The following MYO5B variants were observed in gnomAD, a reference collection of about 807,000 sequenced individuals.
MYO5B encodes myosin VB.
A neutral mutation model predicts 229.3 loss-of-function variants in MYO5B; 143 were observed. The ratio of observed to expected loss-of-function variants is 0.62; its 90% CI spans 0.54 to 0.72. MYO5B has a LOEUF of 0.72. Among genes scored for constraint, MYO5B ranks in the 30% least tolerant of loss-of-function variants. The pLI is 0.00. For synonymous variants in MYO5B, 918 were observed against 885.2 expected (o/e 1.04, Z -0.66); for missense variants, 2,321 against 2,331.0 (o/e 1.00, Z 0.09).
Position 49,853,644 on chromosome 18 carries a change from C to G in MYO5B, c.4026G>C (p.Leu1342=), listed in dbSNP as rs916651120. 5 of 1,612,124 alleles carry G rather than the reference C, an allele frequency of 3.1e-6. No individual in the cohort carries two copies. In the South Asian group the frequency reaches 3.3e-5, roughly 11 times the overall value. ...TCTGGGCCTGCAGCTGAGCCTCCAG[C>G]AGCCTGTGCCAGGGAGAGGACAGGT... The part of the protein sequence containing the change: ...AYQGLKQVAR[L]LEAQLQAQSL... Residue 1342 remains leucine, a synonymous_variant, in exon 31 of 40, where the codon CTG becomes CTC. Coordinates refer to ENST00000285039, the MANE Select transcript of MYO5B (RefSeq NM_001080467.3).
At chr18:49,828,526 G>C (rs1175854760) in intron 39 of MYO5B, among the ~76,000 whole-genome samples, 2 of 152,098 alleles carry the variant, frequency 1.3e-5, no homozygotes, top group South Asian at 2.1e-4. Flanking sequence ...GATAGAACCA[G>C]ATAGAAGATC....
intron 2 of MYO5B, among the ~76,000 whole-genome samples, chr18:50,043,324 A>T (rs2030087423): frequency 8.7e-6 from 1 of 114,516 alleles, no homozygotes; most frequent in African/African-American, 3.6e-5. Flanking sequence ...TATATAAAAT[A>T]TATATTTTAT....
At chr18:50,133,601 T>G (rs552763050) in intron 1 of MYO5B, among the ~76,000 whole-genome samples, 3 of 152,182 alleles carry the variant, frequency 2.0e-5, no homozygotes, top group African/African-American at 7.2e-5. Flanking sequence ...TCCGTCTGTC[T>G]GTCTGTCCCC....
chr18:50,173,248 G>C (rs918962720), intron 1 of MYO5B, among the ~76,000 whole-genome samples: 6 of 149,480 alleles, frequency 4.0e-5, no homozygotes, highest in Non-Finnish European at 8.9e-5. Context: ...CTGGGCAACA[G>C]AGCAAGACTC....
At chr18:50,004,113 C>T (rs1299961772) in intron 4 of MYO5B, among the ~76,000 whole-genome samples, 1 of 152,096 alleles carries the variant, frequency 6.6e-6, no homozygotes, top group Non-Finnish European at 1.5e-5. Context: ...GAAAGTCATG[C>T]CCTTTTCAGG....
At chr18:50,167,396 G>A (rs1423572225) in intron 1 of MYO5B, among the ~76,000 whole-genome samples, 1 of 152,152 alleles carries the variant, frequency 6.6e-6, no homozygotes, top group Admixed American at 6.5e-5. Flanking sequence ...ATAAGTGACA[G>A]GTATAAAGGA....
At chr18:49,945,535 C>T (rs1617706) in intron 14 of MYO5B, among the ~76,000 whole-genome samples, 35,190 of 151,792 alleles carry the variant, frequency 0.23, 5,805 homozygotes, top group African/African-American at 0.47. Flanking sequence ...CTACAGTCAC[C>T]GAAAGCGTGA....
At chr18:49,843,136 C>T (rs1346660185) in intron 34 of MYO5B, 105 bp downstream of exon 34, 1 of 1,446,158 alleles carries the variant, frequency 6.9e-7, no homozygotes, top group Non-Finnish European at 9.6e-7. Flanking sequence ...AGTTGGAGCC[C>T]TAGGAGCATT....
intron 1 of MYO5B, among the ~76,000 whole-genome samples, chr18:50,057,359 A>C (rs1052606181): frequency 5.3e-5 from 8 of 152,374 alleles, no homozygotes; most frequent in African/African-American, 1.9e-4. Flanking sequence ...CCTAAAGCAA[A>C]GTCTCCACTC....
chr18:49,962,517 A>G (rs1266538925), intron 11 of MYO5B, 111 bp from the exon 12 acceptor site: 1 of 1,456,620 alleles, frequency 6.9e-7, no homozygotes, highest in East Asian at 2.4e-5. Flanking sequence ...GAACTGCCAG[A>G]TAAGGTTTGG....
intron 35 of MYO5B, 163 bp from the exon 36 acceptor site, chr18:49,839,457 C>A (rs1050180766): frequency 8.0e-6 from 6 of 749,824 alleles, no homozygotes; most frequent in Non-Finnish European, 1.4e-5. Flanking sequence ...TTCTTTGAGG[C>A]CTCATTGATG....
intron 4 of MYO5B, among the ~76,000 whole-genome samples, chr18:50,006,480 CA>C (rs1216010028): frequency 6.6e-6 from 1 of 152,188 alleles, no homozygotes. Context: ...TTGAAGGACT[CA>C]GACAAGAGTA....
intron 2 of MYO5B, among the ~76,000 whole-genome samples, chr18:50,052,596 C>A (rs9967256): frequency 0.72 from 102,238 of 142,932 alleles, 38,071 homozygotes; most frequent in Admixed American, 0.82. Context: ...AGGAGATATA[C>A]CTAATGCTAA....
chr18:50,113,189 G>C (rs1161558429), intron 1 of MYO5B, among the ~76,000 whole-genome samples: 1 of 151,168 alleles, frequency 6.6e-6, no homozygotes, highest in Non-Finnish European at 1.5e-5. Context: ...CTCAGTACCT[G>C]TAGTCAGCAT....
chr18:50,113,220 A>G (rs1039309951), intron 1 of MYO5B, among the ~76,000 whole-genome samples: 5 of 152,224 alleles, frequency 3.3e-5, no homozygotes, highest in Non-Finnish European at 5.9e-5. Flanking sequence ...ACCGGGCATA[A>G]AACAGTGAAC....
intron 4 of MYO5B, among the ~76,000 whole-genome samples, chr18:50,033,056 G>A (rs569655866): frequency 7.2e-4 from 109 of 152,214 alleles, no homozygotes; most frequent in South Asian, 1.7e-3. Context: ...GTCATAGGGG[G>A]ATTTTTGTTT....
intron 17 of MYO5B, among the ~76,000 whole-genome samples, chr18:49,927,709 T>C (rs943603298): frequency 7.2e-5 from 11 of 152,214 alleles, no homozygotes; most frequent in Non-Finnish European, 1.3e-4. Context: ...AGAATGAAAC[T>C]GGATCCTCAT....
intron 9 of MYO5B, among the ~76,000 whole-genome samples, chr18:49,976,162 T>G (rs761215635): frequency 6.6e-6 from 1 of 152,246 alleles, no homozygotes; most frequent in Non-Finnish European, 1.5e-5. Context: ...CAGAACATGA[T>G]GTGCCATCTC....
chr18:49,948,541 A>G (rs1468557084), intron 14 of MYO5B, among the ~76,000 whole-genome samples: 1 of 152,248 alleles, frequency 6.6e-6, no homozygotes, highest in Non-Finnish European at 1.5e-5. Context: ...AGCACATCTT[A>G]AACAGGAAGC....
Sources: gnomAD v4.1 joint callset for allele counts (sites outside exome capture counted in the v4.1 genomes callset) on GRCh38, gnomAD v4.1.1 for gene constraint, MANE v1.5 for transcripts, NCBI Gene and HGNC (gene_info 2026-07-23, HGNC 2026-07-21) for gene names.